Variants in DENND1C observed in about 807,000 individuals in gnomAD.
DENND1C encodes DENN domain-containing protein 1C.
A neutral mutation model predicts 87.9 loss-of-function variants in DENND1C; 64 were observed. The observed-to-expected ratio is 0.73, with a 90% CI of 0.60 to 0.90. The LOEUF (loss-of-function observed/expected upper bound fraction) is 0.90, where lower values mean the gene tolerates loss of function less well. DENND1C is among the 40% of genes least tolerant of loss of function. DENND1C has a pLI of 0.00. For missense variants in DENND1C, 980 were observed against 1,037.0 expected (o/e 0.95, Z 0.76); for synonymous variants, 384 against 424.4 (o/e 0.90, Z 1.17).
Position 6,470,296 on chromosome 19 carries a change from G to C in DENND1C, c.1361C>G (p.Ser454Trp). The C allele has an allele frequency of 6.2e-7, 1 of 1,607,670 alleles. No homozygotes were observed. Among genetic ancestry groups the C allele is most frequent in the Non-Finnish European group, 8.5e-7 (1 of 1,177,364 alleles). ...GTGGCCTGTCCAGCTCAGCCTCACCGAGCGGTACATGTTCTTGACGGCTGG... is the reference window on the plus strand; with the variant it reads ...GTGGCCTGTCCAGCTCAGCCTCACCCAGCGGTACATGTTCTTGACGGCTGG... ...TQPAVKNMYR[S>W]AKSGLKGVQS... The change falls in exon 18 of 23, where the codon TCG becomes TGG. Residue 454 changes from serine to tryptophan, a missense_variant and splice_region_variant. Ser to Trp is a radical substitution (Grantham distance 177). Transcript: ENST00000381480.
rs769170408 is a variant in DENND1C at position 6,467,249 on chromosome 19, G to T, written c.*255C>A. The T allele has an allele frequency of 3.8e-6, 2 of 527,008 alleles. No homozygotes were observed. The highest frequency in any genetic ancestry group is 6.4e-6 in the Non-Finnish European group (2 of 313,224). 32.6% of individuals were successfully genotyped at this position (527,008 alleles called of 1,614,324 possible). ...TTTATTGGTGTGTTTGAGCTGGTGG[G>T]TGCATTAGCTGAGATGGAAGTGACA... On this transcript the variant is annotated 3_prime_UTR_variant, in exon 23 of 23. Transcript: ENST00000381480.
chr19:6,477,258 C>A lies in DENND1C; in HGVS notation c.473G>T (p.Gly158Val), dbSNP rs780768797. 2 of 1,584,480 alleles carry A rather than the reference C, an allele frequency of 1.3e-6. No homozygotes were observed. Among genetic ancestry groups the A allele is most frequent in the Non-Finnish European group, 1.7e-6 (2 of 1,163,062 alleles). Reference sequence around the variant, plus strand: ...CCGGGTAGGGGGGGGGATACCCTGCCCGCTGGAGACCGTCACTCCGCTGCC... The same window carrying A: ...CCGGGTAGGGGGGGGGATACCCTGCACGCTGGAGACCGTCACTCCGCTGCC... ...ELGSGVTVSS[G>V]QGIPPPTRGN... The change falls in exon 8 of 23, where the codon GGG (glycine) becomes GTG (valine). Residue 158 changes from glycine to valine, a missense_variant. By Grantham distance (109) the Gly-to-Val change is moderately radical. Coordinates refer to ENST00000381480, the MANE Select transcript of DENND1C (RefSeq NM_024898.4).
At position 6,477,228 on chromosome 19, in the gene DENND1C, T is replaced by G. The variant is rs2092866980; in HGVS notation, c.503A>C (p.Asn168Thr). The stretch of plus-strand genomic sequence containing the variant: ...CCGAGCCCCGCTCACCGGCTTGCTA[T>G]TCCCCCGGGTAGGGGGGGGGATACC... ...GQGIPPPTRG[N>T]SKPLSCFVAP... Residue 168 changes from asparagine (N) to threonine (T), a missense_variant, in exon 8 of 23, where the codon AAT (asparagine) becomes ACT (threonine). Asn to Thr is a moderately conservative substitution (Grantham distance 65). Coordinates refer to ENST00000381480, the MANE Select transcript of DENND1C (RefSeq NM_024898.4). 6.3e-7 allele frequency: 1 copy of G among 1,584,296 alleles called. No individual in the cohort carries two copies. Among genetic ancestry groups the G allele is most frequent in the African/African-American group, 1.4e-5 (1 of 73,620 alleles).
intron 6 of DENND1C, among the ~76,000 whole-genome samples, 173 bp downstream of exon 6, chr19:6,478,610 C>T (rs2145211183): frequency 6.6e-6 from 1 of 151,834 alleles, no homozygotes; most frequent in East Asian, 2.0e-4. Flanking sequence ...CCCAGCTGGT[C>T]TCGAACTCCA....
In DENND1C at chr19:6,479,899, G is replaced by T; in HGVS notation, c.86C>A (p.Pro29His). The change falls in exon 3 of 23, where the codon CCC becomes CAC. Residue 29 changes from proline (P) to histidine (H), a missense_variant. Pro to His is a moderately conservative substitution (Grantham distance 77). Transcript: ENST00000381480. ...TGGAGGGAACTGCCGCAGGATGGGG[G>T]GATCTGTAGAAGAGAGCACGCCTCT... ...AACPASLQED[P>H]PILRQFPPDF... is the part of the protein sequence containing the mutation. 1 of 1,603,962 alleles carries T rather than the reference G, an allele frequency of 6.2e-7. No homozygotes were observed. Among genetic ancestry groups the T allele is most frequent in the Non-Finnish European group, 8.5e-7 (1 of 1,175,514 alleles).
intron 15 of DENND1C, 64 bp downstream of exon 15, chr19:6,472,825 C>A (rs1319078338): frequency 1.4e-5 from 19 of 1,349,822 alleles, no homozygotes; most frequent in Middle Eastern, 2.7e-4. Context: ...CCAGTTCAGA[C>A]AAGCCCTCGG....
intron 1 of DENND1C, among the ~76,000 whole-genome samples, 186 bp downstream of exon 1, chr19:6,481,493 G>T (rs577169554): frequency 6.6e-6 from 1 of 152,022 alleles, no homozygotes; most frequent in South Asian, 2.1e-4. Flanking sequence ...GAGAGGAGGG[G>T]ACCGAGAGTG....
chr19:6,477,933 G>T (rs186194795), intron 6 of DENND1C, among the ~76,000 whole-genome samples: 3 of 150,770 alleles, frequency 2.0e-5, no homozygotes, highest in Non-Finnish European at 4.4e-5. Flanking sequence ...AAAATTAGCC[G>T]GGCTGGTGGG....
chr19:6,473,013 T>C lies in DENND1C; in HGVS notation c.1054-20A>G. 6.7e-7 allele frequency: 1 copy of C among 1,495,360 alleles called. No homozygotes were observed. Among genetic ancestry groups the C allele is most frequent in the Non-Finnish European group, 8.9e-7 (1 of 1,122,310 alleles). 92.6% of individuals were successfully genotyped at this position (1,495,360 alleles called of 1,614,324 possible). A position where few individuals can be genotyped will look rare whatever the true frequency, so the allele number is the denominator to read the frequency against. On this transcript the variant is annotated intron_variant, in intron 14 of 22. Coordinates refer to ENST00000381480, the MANE Select transcript of DENND1C (RefSeq NM_024898.4). ...CTGGCCCTGGAAGAAGCGTTGGAGT[T>C]CTGAGCTCCCTGGGGTGCTCCTGGC...
At position 6,479,040 on chromosome 19, in the gene DENND1C, C is replaced by T. The variant is rs772633643; in HGVS notation, c.193G>A (p.Ala65Thr). ...AGGGCGAAGGTGAAATGCTGCACGG[C>T]GGGGCTGGGGGGCTCCCTGGAGTGG... ...FDVEREPPSP[A>T]VQHFTFALTD... The change falls in exon 5 of 23, where the codon GCC becomes ACC. Residue 65 changes from alanine (A) to threonine (T), a missense_variant. By Grantham distance (58) the Ala-to-Thr change is moderately conservative (BLOSUM62 0). Transcript: ENST00000381480. 18 of 1,613,572 alleles carry T rather than the reference C, an allele frequency of 1.1e-5. No homozygotes were observed. The highest frequency in any genetic ancestry group is 1.6e-4 in the Middle Eastern group (1 of 6,080).
intron 20 of DENND1C, 24 bp from the exon 21 acceptor site, chr19:6,468,669 A>C (rs1599376183): frequency 6.9e-7 from 1 of 1,458,022 alleles, no homozygotes; most frequent in African/African-American, 1.4e-5. Flanking sequence ...GGGCGATAGG[A>C]CCTCAGGAGA....
chr19:6,468,742 T>G lies in DENND1C; in HGVS notation c.1516-97A>C, dbSNP rs2092810944. 4 of 1,366,272 alleles carry G rather than the reference T, an allele frequency of 2.9e-6. No homozygotes were observed. The South Asian group carries it at 6.1e-5, about 21-fold the overall frequency. 84.6% of individuals were successfully genotyped at this position (1,366,272 alleles called of 1,614,324 possible). On this transcript the variant is annotated intron_variant, in intron 20 of 22. Coordinates refer to ENST00000381480, the MANE Select transcript of DENND1C (RefSeq NM_024898.4). ...TGAGTGTGAAGTGGGTGCCACATAT[T>G]TGGGGAGTTGAAGAAGGAGGTGAGA...
Position 6,471,253 on chromosome 19 carries a change from T to C in DENND1C, c.1290+12A>G. 6.3e-7 allele frequency: 1 copy of C among 1,581,216 alleles called. No individual in the cohort carries two copies. The highest frequency in any genetic ancestry group is 8.6e-7 in the Non-Finnish European group (1 of 1,163,170). Reference sequence around the variant, plus strand: ...AGCCAACGCCCACGGCCTATTGTTCTGGTGGTCTTACCTTTAGATTGTCGG... The same window carrying C: ...AGCCAACGCCCACGGCCTATTGTTCCGGTGGTCTTACCTTTAGATTGTCGG... On this transcript the variant is annotated intron_variant, in intron 17 of 22. Transcript: ENST00000381480.
intron 19 of DENND1C, among the ~76,000 whole-genome samples, chr19:6,469,219 T>A (rs1215499742): frequency 6.6e-6 from 1 of 151,946 alleles, no homozygotes; most frequent in Non-Finnish European, 1.5e-5. Flanking sequence ...TTAGTAGAGA[T>A]GGGGTTTCAC....
chr19:6,467,854 A>T lies in DENND1C; in HGVS notation c.2056T>A (p.Ser686Thr). The T allele has an allele frequency of 6.3e-7, 1 of 1,592,190 alleles. No individual in the cohort carries two copies. Among genetic ancestry groups the T allele is most frequent in the East Asian group, 2.2e-5 (1 of 44,656 alleles). ...GTAGAATCTTCAGCTGCCTTGTGGG[A>T]AGGGGTGAGATGAAGAATTAGGGGC... ...TEPLILHLTP[S>T]HKAAEDSTAQ... is the part of the protein sequence containing the mutation. The change falls in exon 23 of 23, where the codon TCC becomes ACC. Residue 686 changes from serine to threonine, a missense_variant. Ser to Thr is a moderately conservative substitution (Grantham distance 58). Coordinates refer to ENST00000381480, the MANE Select transcript of DENND1C (RefSeq NM_024898.4).
chr19:6,471,178 G>A (rs1406746415), intron 17 of DENND1C, 87 bp downstream of exon 17: 39 of 1,523,600 alleles, frequency 2.6e-5, no homozygotes, highest in Admixed American at 3.9e-5. Context: ...ACTTCTGGTC[G>A]CAGCAATCCT....
chr19:6,471,637 C>T (rs1002389033), intron 15 of DENND1C, 141 bp from the exon 16 acceptor site: 1 of 696,656 alleles, frequency 1.4e-6, no homozygotes, highest in Non-Finnish European at 2.2e-6. Context: ...AACTGGAGCC[C>T]ACTTTATTTT....
intron 19 of DENND1C, 96 bp downstream of exon 19, chr19:6,469,500 T>C (rs2092815938): frequency 2.4e-6 from 3 of 1,248,080 alleles, no homozygotes; most frequent in Non-Finnish European, 3.4e-6. Flanking sequence ...CCCAAGCTGG[T>C]CTCAAACTCC....
chr19:6,470,246 C>A (rs747441201), intron 18 of DENND1C, 49 bp downstream of exon 18: 7 of 1,564,636 alleles, frequency 4.5e-6, no homozygotes, highest in Non-Finnish European at 6.1e-6. Context: ...TCCTCTGTCC[C>A]CTCCCCCTCG....
Sources: allele counts gnomAD v4.1 joint callset (sites outside exome capture counted in the v4.1 genomes callset), GRCh38; gene constraint gnomAD v4.1.1; transcripts MANE v1.5; gene names NCBI Gene and HGNC (gene_info 2026-07-23, HGNC 2026-07-21).